Variants in DPH6 observed in about 807,000 individuals in gnomAD.
DPH6 encodes the protein diphthamine biosynthesis 6.
DPH6 carries 33 observed loss-of-function variants against 38.2 expected under a neutral mutation model. The observed-to-expected ratio is 0.86, with a 90% confidence interval of 0.65 to 1.15. The LOEUF (loss-of-function observed/expected upper bound fraction) is 1.15, where lower values mean the gene tolerates loss of function less well. DPH6 is among the 50% of genes most tolerant of loss of function. The pLI, the probability that DPH6 is intolerant of heterozygous loss-of-function variation, is 0.00. For missense variants in DPH6, 325 were observed against 320.0 expected (o/e 1.02, Z -0.12); for synonymous variants, 108 against 103.0 (o/e 1.05, Z -0.30).
chr15:35,184,764 T>C, the DPH6 span, among the ~76,000 whole-genome samples: 1 of 152,176 alleles, frequency 6.6e-6, no homozygotes, highest in African/African-American at 2.4e-5. Flanking sequence ...GTAGGTTATA[T>C]GTTACATTGG....
chr15:35,162,714 A>C, the DPH6 span, among the ~76,000 whole-genome samples: 1 of 151,836 alleles, frequency 6.6e-6, no homozygotes, highest in Non-Finnish European at 1.5e-5. Context: ...CATGAAGACA[A>C]GATGTTTGTC....
chr15:35,174,167 A>G, the DPH6 span, among the ~76,000 whole-genome samples: 1 of 152,336 alleles, frequency 6.6e-6, no homozygotes, highest in South Asian at 2.1e-4. Flanking sequence ...ATATTCACTC[A>G]GGGAATGAAT....
Position 35,299,424 on chromosome 15 carries a change from T to C in DPH6, n.200+74097A>G, listed in dbSNP as rs969780856. On this transcript the variant is annotated intron_variant and non_coding_transcript_variant, in intron 3 of 3. Transcript: ENST00000560386. ...CTGTTTTTGAGTCACTGGTTTCCTC[T>C]GATCGTACAGGGACATCTTTTCTTC... 1.6e-4 allele frequency: 129 copies of C among 785,670 alleles called. 1 individual carries two copies. The highest frequency in any genetic ancestry group is 1.5e-3 in the South Asian group (115 of 74,682). The allele number at this position is 785,670 out of a possible 1,614,324, so 48.7% of individuals were successfully genotyped here. A position where few individuals can be genotyped will look rare whatever the true frequency, so the allele number is the denominator to read the frequency against.
intron 3 of DPH6, among the ~76,000 whole-genome samples, chr15:35,342,321 TCTC>T (rs2052428288): frequency 6.6e-6 from 1 of 152,100 alleles, no homozygotes; most frequent in Non-Finnish European, 1.5e-5. Flanking sequence ...CACAAGGAGA[TCTC>T]CTGATCTATG....
chr15:35,261,744 G>C (rs1435875090), intron 3 of DPH6, among the ~76,000 whole-genome samples: 1 of 151,692 alleles, frequency 6.6e-6, no homozygotes, highest in Non-Finnish European at 1.5e-5. Flanking sequence ...AAGGTGGAAG[G>C]ATGGCTTGAG....
chr15:35,172,301 G>A, the DPH6 span, among the ~76,000 whole-genome samples: 2 of 152,180 alleles, frequency 1.3e-5, no homozygotes, highest in East Asian at 3.8e-4. Flanking sequence ...TATCATTTCT[G>A]ACTCTGAATT....
intron 3 of DPH6, among the ~76,000 whole-genome samples, chr15:35,481,099 T>C (rs986897512): frequency 6.6e-6 from 1 of 152,158 alleles, no homozygotes; most frequent in Non-Finnish European, 1.5e-5. Context: ...ACTACCCACA[T>C]GTGACTACTG....
chr15:35,304,446 A>C (rs1326086789), intron 3 of DPH6, among the ~76,000 whole-genome samples: 1 of 152,158 alleles, frequency 6.6e-6, no homozygotes, highest in East Asian at 1.9e-4. Context: ...TATTATAAAC[A>C]TGATTGCAAA....
chr15:35,519,734 T>C (rs1469236216), intron 3 of DPH6: 2 of 152,432 alleles, frequency 1.3e-5, no homozygotes, highest in African/African-American at 2.4e-5. Flanking sequence ...GAGGGCACTG[T>C]TGCATCAGCT....
chr15:35,489,866 AC>A (rs2141169875), intron 3 of DPH6: 1 of 969,054 alleles, frequency 1.0e-6, no homozygotes, highest in Non-Finnish European at 1.2e-6. Context: ...CCTGGATTAT[AC>A]ATTTTTTAAT....
At chr15:35,436,514 C>CAAAAAAAAAAAAAA (rs1277172991) in intron 5 of DPH6, among the ~76,000 whole-genome samples, 2 of 123,198 alleles carry the variant, frequency 1.6e-5, no homozygotes, top group Admixed American at 8.0e-5. Flanking sequence ...CAAAACAAAA[C>CAAAAAAAAAAAAAA]AAAAAAGGTT....
At chr15:35,293,396 A>G (rs2051992653) in intron 3 of DPH6, among the ~76,000 whole-genome samples, 1 of 152,182 alleles carries the variant, frequency 6.6e-6, no homozygotes, top group Non-Finnish European at 1.5e-5. Context: ...ATTGAAATTC[A>G]TATCATCACT....
At chr15:35,482,558 G>T (rs2054340489) in intron 3 of DPH6, among the ~76,000 whole-genome samples, 1 of 152,150 alleles carries the variant, frequency 6.6e-6, no homozygotes, top group Non-Finnish European at 1.5e-5. Flanking sequence ...TAGAAATAAA[G>T]TATTTACATT....
the DPH6 span, among the ~76,000 whole-genome samples, chr15:35,208,756 C>G: frequency 6.6e-6 from 1 of 152,178 alleles, no homozygotes. Flanking sequence ...TCTTCCTCCT[C>G]TCTTTCCCCA....
At chr15:35,186,525 G>A in the DPH6 span, among the ~76,000 whole-genome samples, 1 of 152,198 alleles carries the variant, frequency 6.6e-6, no homozygotes, top group African/African-American at 2.4e-5. Flanking sequence ...GATACTCACA[G>A]CAGGATGAAT....
intron 5 of DPH6, among the ~76,000 whole-genome samples, chr15:35,420,824 C>A (rs1422783148): frequency 2.0e-5 from 3 of 152,052 alleles, no homozygotes; most frequent in African/African-American, 7.2e-5. Context: ...TAAAACTGAG[C>A]TGTTTTGAAA....
rs553390402 is a variant in DPH6, at chr15:35,279,575, G to A, written n.201-58993C>T. Among the ~76,000 whole-genome samples, 20 of 152,108 alleles carry A rather than the reference G, an allele frequency of 1.3e-4. No homozygotes were observed. In the South Asian group the frequency reaches 4.2e-3, roughly 32 times the overall value. On this transcript the variant is annotated intron_variant and non_coding_transcript_variant, in intron 3 of 3. Coordinates refer to the DPH6 transcript ENST00000560386. ...CCCACTCTGAGTTAATGCAAGACCT[G>A]GTTTAAAAGAGTGTGGCACCTCCTC...
At chr15:35,192,129 C>T in the DPH6 span, among the ~76,000 whole-genome samples, 11 of 152,322 alleles carry the variant, frequency 7.2e-5, no homozygotes, top group African/African-American at 2.6e-4. Flanking sequence ...TATGCCCTGA[C>T]TTATTCCAGA....
At chr15:35,382,853 AG>A (rs1242658399) in intron 6 of DPH6, among the ~76,000 whole-genome samples, 2 of 151,014 alleles carry the variant, frequency 1.3e-5, no homozygotes, top group Admixed American at 1.3e-4. Flanking sequence ...ATTAAAAAAA[AG>A]AAAAAAAAAA....
Sources: gnomAD v4.1 joint callset for allele counts (sites outside exome capture counted in the v4.1 genomes callset) on GRCh38, gnomAD v4.1.1 for gene constraint, MANE v1.5 for transcripts, NCBI Gene and HGNC (gene_info 2026-07-23, HGNC 2026-07-21) for gene names.